SPIDR: variants seen among roughly 807,000 people sequenced by gnomAD.
The protein encoded by SPIDR is scaffold protein involved in DNA repair.
SPIDR carries 93 observed loss-of-function variants against 104.6 expected under a neutral mutation model. That is an observed-to-expected ratio of 0.89 (90% CI 0.75 to 1.06). SPIDR has a LOEUF of 1.06. Ranked by LOEUF, SPIDR falls within the 50% of genes least tolerant of loss-of-function variation. The pLI, the probability that SPIDR is intolerant of heterozygous loss-of-function variation, is 0.00. For missense variants in SPIDR, 1,154 were observed against 1,111.2 expected (o/e 1.04, Z -0.55); for synonymous variants, 431 against 416.9 (o/e 1.03, Z -0.41).
chr8:47,287,610 T>A (rs2039107216), intron 3 of SPIDR, among the ~76,000 whole-genome samples: 1 of 152,156 alleles, frequency 6.6e-6, no homozygotes, highest in African/African-American at 2.4e-5. Context: ...GGGAAAAGAA[T>A]TTAGCAATAT....
chr8:47,627,300 A>T (rs1346739964), intron 10 of SPIDR, among the ~76,000 whole-genome samples: 1 of 152,114 alleles, frequency 6.6e-6, no homozygotes, highest in Non-Finnish European at 1.5e-5. Flanking sequence ...ATGACAAGTT[A>T]ATGGGTGCAG....
intron 10 of SPIDR, among the ~76,000 whole-genome samples, chr8:47,667,304 A>G (rs1050260674): frequency 6.6e-6 from 1 of 151,978 alleles, no homozygotes; most frequent in African/African-American, 2.4e-5. Flanking sequence ...AAAATAAACA[A>G]AAAGAAGAAA....
intron 8 of SPIDR, among the ~76,000 whole-genome samples, chr8:47,484,241 A>G (rs1378342612): frequency 6.6e-6 from 1 of 152,268 alleles, no homozygotes; most frequent in Non-Finnish European, 1.5e-5. Flanking sequence ...AATAGAAGCA[A>G]TCATAGCAAT....
Position 47,279,856 on chromosome 8 carries a change from C to T in SPIDR, c.34-6C>T. 3.8e-6 allele frequency: 6 copies of T among 1,598,738 alleles called. No homozygotes were observed. Among genetic ancestry groups the T allele is most frequent in the Non-Finnish European group, 5.1e-6 (6 of 1,171,988 alleles). ...TCGATTTTTCTTTTAAAAATCATCT[C>T]CACAGAGAAAAAGGAGTTGGAATAC... On this transcript the variant is annotated splice_region_variant and splice_polypyrimidine_tract_variant and intron_variant, in intron 1 of 19. Transcript: ENST00000297423.
intron 7 of SPIDR, among the ~76,000 whole-genome samples, chr8:47,424,181 G>A (rs1585473608): frequency 6.6e-6 from 1 of 152,202 alleles, no homozygotes; most frequent in East Asian, 1.9e-4. Context: ...ACTGAGTTCA[G>A]GAGATGTGAG....
chr8:47,339,914 C>T (rs782099180), intron 5 of SPIDR, among the ~76,000 whole-genome samples: 4 of 151,742 alleles, frequency 2.6e-5, no homozygotes, highest in African/African-American at 7.3e-5. Flanking sequence ...CTCATGACCT[C>T]GTGATCCACC....
At chr8:47,620,221 A>G (rs1051452526) in intron 10 of SPIDR, among the ~76,000 whole-genome samples, 2 of 151,994 alleles carry the variant, frequency 1.3e-5, no homozygotes, top group African/African-American at 4.8e-5. Context: ...TGATGGTAAC[A>G]TGGGATCATT....
chr8:47,643,181 G>T (rs1459802101), intron 10 of SPIDR, among the ~76,000 whole-genome samples: 1 of 152,012 alleles, frequency 6.6e-6, no homozygotes, highest in African/African-American at 2.4e-5. Flanking sequence ...ACAACTGTGG[G>T]ATGCTTTTTT....
chr8:47,625,856 G>A (rs1286856917), intron 10 of SPIDR, among the ~76,000 whole-genome samples: 33 of 152,128 alleles, frequency 2.2e-4, no homozygotes, highest in Non-Finnish European at 3.7e-4. Context: ...CAAGCTACCA[G>A]TGACTTTCTT....
chr8:47,516,743 A>G (rs1031111921), intron 8 of SPIDR, among the ~76,000 whole-genome samples: 3 of 152,144 alleles, frequency 2.0e-5, no homozygotes, highest in Non-Finnish European at 4.4e-5. Flanking sequence ...TGTGAACATA[A>G]GTATACAAGT....
At chr8:47,715,840 T>G (rs1034766874) in intron 16 of SPIDR, among the ~76,000 whole-genome samples, 9 of 152,212 alleles carry the variant, frequency 5.9e-5, no homozygotes, top group African/African-American at 2.2e-4. Flanking sequence ...GTTTTGAAAT[T>G]TGGGGTATGA....
chr8:47,571,261 C>A (rs555549817), intron 8 of SPIDR, among the ~76,000 whole-genome samples: 1 of 152,232 alleles, frequency 6.6e-6, no homozygotes, highest in African/African-American at 2.4e-5. Flanking sequence ...GTATATTTGA[C>A]ATTTGCTGAG....
intron 5 of SPIDR, among the ~76,000 whole-genome samples, chr8:47,351,998 G>T (rs1167218377): frequency 6.6e-6 from 1 of 152,140 alleles, no homozygotes; most frequent in Non-Finnish European, 1.5e-5. Flanking sequence ...GATAATTTGG[G>T]CTGGGCGCAG....
At chr8:47,546,083 CTGTTT>C (rs1177131749) in intron 8 of SPIDR, among the ~76,000 whole-genome samples, 3 of 152,004 alleles carry the variant, frequency 2.0e-5, no homozygotes, top group South Asian at 4.1e-4. Context: ...AGTTTTTGTA[CTGTTT>C]TGTTTTGATA....
intron 6 of SPIDR, among the ~76,000 whole-genome samples, chr8:47,401,956 A>G (rs1554663329): frequency 6.6e-6 from 1 of 152,186 alleles, no homozygotes; most frequent in African/African-American, 2.4e-5. Flanking sequence ...ATATCCAGGA[A>G]TTGAACTCAG....
At chr8:47,399,706 TA>T (rs1554661102) in intron 6 of SPIDR, among the ~76,000 whole-genome samples, 1 of 152,040 alleles carries the variant, frequency 6.6e-6, no homozygotes, top group African/African-American at 2.4e-5. Flanking sequence ...AGGGGCACAC[TA>T]AAAGGGGTTG....
At position 47,291,027 on chromosome 8, in the gene SPIDR, C is replaced by G; in HGVS notation, c.257-6C>G. On this transcript the variant is annotated splice_region_variant and splice_polypyrimidine_tract_variant and intron_variant, in intron 3 of 19. Coordinates refer to ENST00000297423, the MANE Select transcript of SPIDR (RefSeq NM_001080394.4). ...CATATTTATGTGCTTTCTTTTCCTT[C>G]AACAGAAACCACCACATCTAAAAGC... 6.3e-7 allele frequency: 1 copy of G among 1,598,298 alleles called. No individual in the cohort carries two copies. Among genetic ancestry groups the G allele is most frequent in the East Asian group, 2.2e-5 (1 of 44,596 alleles).
chr8:47,534,481 A>G (rs1412969453), intron 8 of SPIDR, among the ~76,000 whole-genome samples: 1 of 152,218 alleles, frequency 6.6e-6, no homozygotes, highest in Non-Finnish European at 1.5e-5. Context: ...TTTTGCAGGA[A>G]CATGGTTGGA....
At chr8:47,480,641 T>C (rs553930462) in intron 8 of SPIDR, among the ~76,000 whole-genome samples, 1 of 152,328 alleles carries the variant, frequency 6.6e-6, no homozygotes, top group Admixed American at 6.5e-5. Context: ...CTCGCTGCTC[T>C]CAGGGATCGG....
Sources: allele counts gnomAD v4.1 joint callset (sites outside exome capture counted in the v4.1 genomes callset), GRCh38; gene constraint gnomAD v4.1.1; transcripts MANE v1.5; gene names NCBI Gene and HGNC (gene_info 2026-07-23, HGNC 2026-07-21).